Variants in ACACA observed in about 807,000 individuals in gnomAD.
ACACA encodes the protein acetyl-CoA carboxylase alpha.
ACACA carries 103 observed loss-of-function variants against 296.1 expected under a neutral mutation model. The observed-to-expected ratio is 0.35, with a 90% CI of 0.30 to 0.41. The LOEUF is 0.41. Among genes scored for constraint, ACACA ranks in the 10% least tolerant of loss-of-function variants. The probability of loss-of-function intolerance (pLI) is 1.00; values close to 1 mark genes in which losing one functional copy is unlikely to be tolerated. For synonymous variants in ACACA, 953 were observed against 1,038.6 expected, an observed-to-expected ratio of 0.92 and a Z score of 1.58; for missense variants, 1,554 against 2,989.7, an observed-to-expected ratio of 0.52 and a Z score of 11.20.
chr17:37,179,176 A>G, intron 41 of ACACA, 84 bp downstream of exon 41: 2 of 1,530,822 alleles, frequency 1.3e-6, no homozygotes, highest in South Asian at 1.1e-5. Context: ...ACCATGCTCC[A>G]GTGCTATTTA....
chr17:37,343,974 T>C (rs985319673), intron 1 of ACACA, among the ~76,000 whole-genome samples: 1 of 151,890 alleles, frequency 6.6e-6, no homozygotes, highest in Non-Finnish European at 1.5e-5. Context: ...CAGATGCTGA[T>C]TATTCAAAGA....
At chr17:37,118,305 G>T (rs1040676587) in intron 50 of ACACA, among the ~76,000 whole-genome samples, 1 of 152,228 alleles carries the variant, frequency 6.6e-6, no homozygotes, top group Admixed American at 6.5e-5. Flanking sequence ...TAGAGTTTAT[G>T]TTGAGGATGA....
intron 52 of ACACA, among the ~76,000 whole-genome samples, chr17:37,105,845 C>T (rs1196890007): frequency 7.4e-6 from 1 of 134,344 alleles, no homozygotes; most frequent in Non-Finnish European, 1.6e-5. Flanking sequence ...GCCTGGGCAA[C>T]AAGAGCGAAA....
intron 3 of ACACA, among the ~76,000 whole-genome samples, chr17:37,318,306 G>A (rs577669783): frequency 6.6e-6 from 1 of 152,224 alleles, no homozygotes; most frequent in South Asian, 2.1e-4. Flanking sequence ...GCAGTGGCGT[G>A]CTGTCAGCTC....
intron 1 of ACACA, among the ~76,000 whole-genome samples, chr17:37,381,902 C>T (rs1819010252): frequency 6.6e-6 from 1 of 152,310 alleles, no homozygotes; most frequent in East Asian, 1.9e-4. Flanking sequence ...GCTGGGATTA[C>T]AGGCGTGAGC....
At chr17:37,141,477 A>T (rs1309842005) in intron 45 of ACACA, 1 of 261,550 alleles carries the variant, frequency 3.8e-6, no homozygotes, top group Non-Finnish European at 7.6e-6. Flanking sequence ...TATATTGGCC[A>T]GCCTGGTCTT....
chr17:37,342,538 A>T (rs1340157097), intron 1 of ACACA, among the ~76,000 whole-genome samples: 1 of 147,578 alleles, frequency 6.8e-6, no homozygotes, highest in Non-Finnish European at 1.5e-5. Context: ...CTATACATAT[A>T]ATGTATTATT....
rs908035890 is a variant in ACACA, at chr17:37,086,548, C to G, written c.*768G>C. 2 of 152,376 alleles carry G rather than the reference C, an allele frequency of 1.3e-5. No individual in the cohort carries two copies. The highest frequency in any genetic ancestry group is 2.4e-5 in the African/African-American group (1 of 41,442). 9.4% of individuals were successfully genotyped at this position (152,376 alleles called of 1,614,324 possible). On this transcript the variant is annotated 3_prime_UTR_variant, in exon 56 of 56. Transcript: ENST00000616317. ...TGGCCTTGCAGCTCCCAGCCACATG[C>G]GACAGCTAGTCCAGCAGTGACGTGC...
chr17:37,382,831 G>A (rs2050361420), intron 1 of ACACA, among the ~76,000 whole-genome samples: 1 of 152,190 alleles, frequency 6.6e-6, no homozygotes, highest in African/African-American at 2.4e-5. Context: ...CTGCACTCCA[G>A]CCTGGCGACA....
At chr17:37,172,379 A>C (rs1213427787) in intron 41 of ACACA, among the ~76,000 whole-genome samples, 1 of 152,202 alleles carries the variant, frequency 6.6e-6, no homozygotes, top group East Asian at 1.9e-4. Flanking sequence ...TTCAGAAGGA[A>C]TTCTGAGAAA....
intron 1 of ACACA, among the ~76,000 whole-genome samples, chr17:37,383,246 A>G (rs2050382539): frequency 6.6e-6 from 1 of 152,130 alleles, no homozygotes. Flanking sequence ...ACTTGGGGCA[A>G]TTAAGGACAT....
intron 3 of ACACA, among the ~76,000 whole-genome samples, chr17:37,307,726 A>T (rs563160854): frequency 7.2e-5 from 11 of 152,168 alleles, no homozygotes; most frequent in Middle Eastern, 3.4e-3. Flanking sequence ...AGCTGATACT[A>T]AAGGCGTGTG....
At chr17:37,355,323 C>T (rs771868099) in intron 1 of ACACA, among the ~76,000 whole-genome samples, 3 of 151,576 alleles carry the variant, frequency 2.0e-5, no homozygotes, top group Non-Finnish European at 2.9e-5. Context: ...TTTGGGAGGC[C>T]GAAGTGGGTG....
chr17:37,223,451 G>T, intron 28 of ACACA, 61 bp downstream of exon 28: 1 of 1,373,822 alleles, frequency 7.3e-7, no homozygotes, highest in Non-Finnish European at 1.0e-6. Flanking sequence ...CAGCCAAATA[G>T]ACAGAAGAAA....
rs769978037 is a variant in ACACA at position 37,098,028 on chromosome 17, G to A, written c.6566-44C>T. ...GCCCGTCACACTCTGTAATGACCAGGAATCTCTCTGCACAAAAGCAGCCAC... is the reference window on the plus strand; with the variant it reads ...GCCCGTCACACTCTGTAATGACCAGAAATCTCTCTGCACAAAAGCAGCCAC... On this transcript the variant is annotated intron_variant, in intron 52 of 55. Coordinates refer to ENST00000616317, the MANE Select transcript of ACACA (RefSeq NM_198834.3). The A allele has an allele frequency of 5.6e-6, 9 of 1,613,128 alleles. No individual in the cohort carries two copies. The African/African-American group carries it at 1.2e-4, about 22-fold the overall frequency.
chr17:37,388,143 G>GT (rs759306392), intron 1 of ACACA, among the ~76,000 whole-genome samples: 3 of 152,108 alleles, frequency 2.0e-5, no homozygotes, highest in Non-Finnish European at 4.4e-5. Flanking sequence ...CCAGTCTTGA[G>GT]TGCCAGAGTG....
chr17:37,118,517 G>A (rs1329741551), intron 50 of ACACA, among the ~76,000 whole-genome samples: 1 of 152,198 alleles, frequency 6.6e-6, no homozygotes, highest in Non-Finnish European at 1.5e-5. Context: ...GGAAGTAGGT[G>A]GATAATAACT....
chr17:37,268,741 C>CTATCTATATATATATA (rs1219982787), intron 10 of ACACA, among the ~76,000 whole-genome samples: 8 of 94,510 alleles, frequency 8.5e-5, no homozygotes, highest in East Asian at 3.1e-4. Flanking sequence ...ATCTATCTAT[C>CTATCTATATATATATA]TATATATATA....
intron 1 of ACACA, among the ~76,000 whole-genome samples, chr17:37,374,014 T>C (rs1391010588): frequency 1.3e-5 from 2 of 152,202 alleles, no homozygotes; most frequent in Non-Finnish European, 2.9e-5. Flanking sequence ...ATGTTCCCTC[T>C]AGTCAGTGGC....
Sources: allele counts gnomAD v4.1 joint callset (sites outside exome capture counted in the v4.1 genomes callset), GRCh38; gene constraint gnomAD v4.1.1; transcripts MANE v1.5; gene names NCBI Gene and HGNC (gene_info 2026-07-23, HGNC 2026-07-21).